PLA2G6: variants seen among roughly 807,000 people sequenced by gnomAD.
The protein encoded by PLA2G6 is phospholipase A2 group VI.
In PLA2G6, 62 loss-of-function variants were observed where a neutral mutation model predicts 83.8. The observed-to-expected ratio is 0.74, with a 90% confidence interval of 0.60 to 0.91. PLA2G6 has a LOEUF of 0.91. PLA2G6 is among the 40% of genes least tolerant of loss of function. The probability of loss-of-function intolerance (pLI) is 0.00; values close to 1 mark genes in which losing one functional copy is unlikely to be tolerated. For synonymous variants in PLA2G6, 417 were observed against 449.8 expected (o/e 0.93, Z 0.92); for missense variants, 944 against 1,102.0 (o/e 0.86, Z 2.03).
chr22:38,125,348 G>A (rs574344700), intron 10 of PLA2G6, among the ~76,000 whole-genome samples: 5 of 152,306 alleles, frequency 3.3e-5, no homozygotes, highest in South Asian at 4.1e-4. Flanking sequence ...GTGTGCCCGC[G>A]TGCAAGAGCA....
intron 4 of PLA2G6, chr22:38,142,215 AAAAAAAGG>A (rs2088957757): frequency 6.6e-6 from 1 of 150,626 alleles, no homozygotes; most frequent in Admixed American, 6.6e-5. Context: ...AAAAAAAAAA[AAAAAAAGG>A]AATCCACATT....
Position 38,132,229 on chromosome 22 carries a change from C to A in PLA2G6, c.1077+602G>T. On this transcript the variant is annotated intron_variant, in intron 7 of 16. Coordinates refer to ENST00000332509, the MANE Select transcript of PLA2G6 (RefSeq NM_003560.4). The surrounding 1 kb of genome is among the most constrained non-coding windows in gnomAD (Gnocchi z 5.0). ...AACCAGACAGTAAGGGCTTTGAGGG[C>A]AGGAACTGTGTTCTATAATAAACCA... 1 of 397,906 alleles carries A rather than the reference C, an allele frequency of 2.5e-6. No homozygotes were observed. The allele number at this position is 397,906 out of a possible 1,614,324, so 24.6% of individuals were successfully genotyped here.
chr22:38,160,802 G>A (rs1229916580), intron 2 of PLA2G6, among the ~76,000 whole-genome samples: 1 of 151,758 alleles, frequency 6.6e-6, no homozygotes, highest in Non-Finnish European at 1.5e-5. Context: ...CAGAGATTGC[G>A]CCACCGCACT....
intron 14 of PLA2G6, among the ~76,000 whole-genome samples, chr22:38,115,045 A>G (rs2087105748): frequency 6.6e-6 from 1 of 152,154 alleles, no homozygotes; most frequent in Admixed American, 6.5e-5. Flanking sequence ...CTTCCTCCAG[A>G]TCACTGATTC....
intron 4 of PLA2G6, chr22:38,142,196 A>G (rs1049022341): frequency 2.1e-4 from 18 of 84,878 alleles, no homozygotes; most frequent in African/African-American, 8.2e-4. Flanking sequence ...CTCTGTCTCA[A>G]AAAAAAAAAA....
chr22:38,169,594 GC>G (rs2090355465), intron 1 of PLA2G6, 123 bp from the exon 2 acceptor site: 3 of 660,900 alleles, frequency 4.5e-6, no homozygotes, highest in African/African-American at 1.8e-5. Context: ...CAGATCCTGG[GC>G]CTGGAGGGAT....
At position 38,123,006 on chromosome 22, in the gene PLA2G6, T is replaced by A. The variant is rs1271485272; in HGVS notation, c.1591+89A>T. The A allele has an allele frequency of 2.9e-5, 38 of 1,310,928 alleles. No homozygotes were observed. Among genetic ancestry groups the A allele is most frequent in the Non-Finnish European group, 3.9e-5 (37 of 942,770 alleles). 81.2% of individuals were successfully genotyped at this position (1,310,928 alleles called of 1,614,324 possible). Reference sequence around the variant, plus strand: ...ATAGCCCTCCTCTACTCCTCCACTCTCTTTTTGCAAAGCCCTGAAGACAAA... The same window carrying A: ...ATAGCCCTCCTCTACTCCTCCACTCACTTTTTGCAAAGCCCTGAAGACAAA... On this transcript the variant is annotated intron_variant, in intron 11 of 16. Coordinates refer to ENST00000332509, the MANE Select transcript of PLA2G6 (RefSeq NM_003560.4). This position sits in a 1 kb window ranked among gnomAD's most constrained non-coding sequence, Gnocchi z 4.1.
intron 1 of PLA2G6, chr22:38,180,491 T>C (rs894997854): frequency 1.3e-5 from 2 of 152,216 alleles, no homozygotes; most frequent in African/African-American, 4.8e-5. Context: ...AAATATTTGT[T>C]AGATAAACGA....
In PLA2G6 at chr22:38,128,064, G is replaced by C. The variant is rs1355105569; in HGVS notation, c.1348+205C>G. The C allele has an allele frequency of 3.0e-5, 18 of 602,588 alleles. No homozygotes were observed. Among genetic ancestry groups the C allele is most frequent in the Non-Finnish European group, 5.3e-5 (18 of 338,268 alleles). The allele number at this position is 602,588 out of a possible 1,614,324, so 37.3% of individuals were successfully genotyped here. On this transcript the variant is annotated intron_variant, in intron 9 of 16. Coordinates refer to ENST00000332509, the MANE Select transcript of PLA2G6 (RefSeq NM_003560.4). The surrounding 1 kb of genome is among the most constrained non-coding windows in gnomAD (Gnocchi z 4.4). ...AGGACACATCCTCTCAGGGGCAACG[G>C]AGCATGGGACATCAGCCAGGGACAC...
rs752794250 is a variant in PLA2G6 at position 38,135,023 on chromosome 22, C to T, written c.859G>A (p.Gly287Arg). ...TTGGCCCAGTGGAGGGGGCTGGCTC[C>T]GTAACGGGGGTCTTTGCTGTGGATC... is the stretch of plus-strand genomic sequence containing the variant. ...SQIHSKDPRY[G>R]ASPLHWAKNA... Residue 287 changes from glycine to arginine, a missense_variant, in exon 6 of 17, where the codon GGA (glycine) becomes AGA (arginine). Gly to Arg is a moderately radical substitution (Grantham distance 125, BLOSUM62 -2). Transcript: ENST00000332509. 10 of 1,613,634 alleles carry T rather than the reference C, an allele frequency of 6.2e-6. No homozygotes were observed. Among genetic ancestry groups the T allele is most frequent in the South Asian group, 2.2e-5 (2 of 91,074 alleles).
intron 6 of PLA2G6, 156 bp from the exon 7 acceptor site, chr22:38,133,169 A>G (rs909970187): frequency 2.8e-6 from 2 of 712,586 alleles, no homozygotes; most frequent in Admixed American, 2.2e-5. Flanking sequence ...CCCCAGTTCT[A>G]GGGGGGCCTA....
intron 2 of PLA2G6, among the ~76,000 whole-genome samples, chr22:38,155,609 T>C (rs1054743048): frequency 1.3e-5 from 2 of 152,184 alleles, no homozygotes; most frequent in Non-Finnish European, 2.9e-5. Flanking sequence ...GTGTCATCAG[T>C]TTAAAATATT....
intron 10 of PLA2G6, 125 bp downstream of exon 10, chr22:38,126,243 TAGG>T: frequency 1.3e-6 from 1 of 752,634 alleles, no homozygotes; most frequent in Non-Finnish European, 2.4e-6. Flanking sequence ...ACTATAAGAC[TAGG>T]AGCAGAGCCA....
rs2284060 is a variant in PLA2G6 at position 38,147,446 on chromosome 22, T to C, written c.210-1793A>G. On this transcript the variant is annotated intron_variant, in intron 2 of 16. Transcript: ENST00000332509. ...GCCTGTTGTTCCACAGAGAGTGCGT[T>C]GATTAACAGTTAACTACTGGGCATG... 0.42 allele frequency: 71,365 copies of C among 168,824 alleles called. 15,437 individuals carry two copies. The highest frequency in any genetic ancestry group is 0.54 in the South Asian group (2,668 of 4,900). 10.5% of individuals were successfully genotyped at this position (168,824 alleles called of 1,614,324 possible). A position where few individuals can be genotyped will look rare whatever the true frequency, so the allele number is the denominator to read the frequency against.
chr22:38,124,087 G>A (rs964232383), intron 10 of PLA2G6, among the ~76,000 whole-genome samples: 7 of 152,010 alleles, frequency 4.6e-5, no homozygotes, highest in Admixed American at 1.3e-4. Context: ...CGCCTGTCTC[G>A]GCCTCCCAAA....
chr22:38,132,879 C>A lies in PLA2G6; in HGVS notation c.1029G>T (p.Ala343=), dbSNP rs1422824235. 3 of 1,553,676 alleles carry A rather than the reference C, an allele frequency of 1.9e-6. 1 individual carries two copies. The highest frequency in any genetic ancestry group is 8.7e-7 in the Non-Finnish European group (1 of 1,149,520). ...AIVLLTHGAN[A]DARGEHGNTP... ...TGTTGCCGTGCTCTCCGCGGGCATC[C>A]GCGTTGGCCCCGTGGGTCAGCAGCA... Residue 343 remains alanine, a synonymous_variant, in exon 7 of 17, where the codon GCG becomes GCT. Transcript: ENST00000332509. The surrounding 1 kb of genome is among the most constrained non-coding windows in gnomAD (Gnocchi z 5.0).
chr22:38,170,324 C>T (rs132991), intron 1 of PLA2G6, among the ~76,000 whole-genome samples: 17,604 of 151,960 alleles, frequency 0.12, 1,249 homozygotes, highest in African/African-American at 0.18. Context: ...AGGGGATCAT[C>T]GGCATTGGTC....
chr22:38,112,772 A>G (rs1023710892), intron 15 of PLA2G6, 195 bp from the exon 16 acceptor site: 7 of 635,812 alleles, frequency 1.1e-5, no homozygotes, highest in African/African-American at 1.1e-4. Context: ...CAGCTGTGCA[A>G]TCAGAGGGGC....
chr22:38,133,999 G>C (rs1353495662), intron 6 of PLA2G6: 1 of 152,158 alleles, frequency 6.6e-6, no homozygotes, highest in African/African-American at 2.4e-5. Flanking sequence ...GAGTCAGTAG[G>C]GGAAGGCAGA....
Sources: allele counts gnomAD v4.1 joint callset (sites outside exome capture counted in the v4.1 genomes callset), GRCh38; gene constraint gnomAD v4.1.1; non-coding constraint Gnocchi (gnomAD v3.1); transcripts MANE v1.5; gene names NCBI Gene and HGNC (gene_info 2026-07-23, HGNC 2026-07-21).